The following KHDRBS2 variants were observed in gnomAD, a reference collection of about 807,000 sequenced individuals.
KHDRBS2 encodes KH domain-containing, RNA-binding, signal transduction-associated protein 2.
Under a neutral mutation model 44.3 loss-of-function variants are expected in KHDRBS2, and 26 were observed. That is an observed-to-expected ratio of 0.59 (90% confidence interval 0.43 to 0.81). KHDRBS2 has a LOEUF of 0.81. Among genes scored for constraint, KHDRBS2 ranks in the 40% least tolerant of loss-of-function variants. KHDRBS2 has a pLI of 0.00. For synonymous variants in KHDRBS2, 194 were observed against 151.1 expected (o/e 1.28, Z -2.08); for missense variants, 476 against 433.1 (o/e 1.10, Z -0.88).
At chr6:61,923,190 C>T (rs1265403696) in intron 4 of KHDRBS2, among the ~76,000 whole-genome samples, 8 of 151,768 alleles carry the variant, frequency 5.3e-5, no homozygotes, top group East Asian at 1.9e-4. Context: ...AATGTAAAGA[C>T]GTAGCAACAG....
chr6:62,256,153 T>C (rs1465843329), intron 1 of KHDRBS2, among the ~76,000 whole-genome samples: 1 of 151,098 alleles, frequency 6.6e-6, no homozygotes, highest in Non-Finnish European at 1.5e-5. Context: ...AAAAAAACCC[T>C]CAAAACAATA....
At chr6:62,050,269 A>T (rs1293709201) in intron 2 of KHDRBS2, among the ~76,000 whole-genome samples, 1 of 152,016 alleles carries the variant, frequency 6.6e-6, no homozygotes, top group Non-Finnish European at 1.5e-5. Context: ...CAGGGAGGGG[A>T]ACATCACACA....
the KHDRBS2 span, among the ~76,000 whole-genome samples, chr6:61,609,569 TC>T: frequency 1.3e-5 from 2 of 152,214 alleles, no homozygotes; most frequent in Non-Finnish European, 2.9e-5. Context: ...ACTACGGGCT[TC>T]ATAGCTATCA....
At chr6:61,772,197 A>T (rs1347770244) in intron 6 of KHDRBS2, among the ~76,000 whole-genome samples, 4 of 152,200 alleles carry the variant, frequency 2.6e-5, no homozygotes, top group Admixed American at 6.6e-5. Context: ...TATAGCACGA[A>T]ATGTCCACAA....
At chr6:61,693,275 C>T (rs1473215503) in intron 8 of KHDRBS2, among the ~76,000 whole-genome samples, 1 of 152,078 alleles carries the variant, frequency 6.6e-6, no homozygotes, top group Non-Finnish European at 1.5e-5. Flanking sequence ...AGCAACTTAT[C>T]ACCAACTACC....
chr6:62,015,050 T>C (rs543551602), intron 3 of KHDRBS2, among the ~76,000 whole-genome samples: 2 of 152,194 alleles, frequency 1.3e-5, no homozygotes, highest in Non-Finnish European at 2.9e-5. Context: ...TAATCAGTAA[T>C]TGAGATTAGG....
chr6:62,122,895 T>C lies in KHDRBS2; in HGVS notation c.219+54290A>G, dbSNP rs570281033. ...ATTTATTTTATTTTATTTATTTACTTTTTGACGTTTTTTAATAAATTATAC... is the reference window on the plus strand; with the variant it reads ...ATTTATTTTATTTTATTTATTTACTCTTTGACGTTTTTTAATAAATTATAC... On this transcript the variant is annotated intron_variant, in intron 2 of 8. Coordinates refer to ENST00000281156, the MANE Select transcript of KHDRBS2 (RefSeq NM_152688.4). 3.2e-5 allele frequency among the ~76,000 whole-genome samples: 4 copies of C among 126,572 alleles called. No homozygotes were observed. In the South Asian group the frequency reaches 1.0e-3, roughly 32 times the overall value. The allele number at this position is 126,572 out of a possible 152,430, so 83.0% of individuals were successfully genotyped here.
chr6:61,820,347 T>A (rs1405093001), intron 6 of KHDRBS2, among the ~76,000 whole-genome samples: 1 of 151,942 alleles, frequency 6.6e-6, no homozygotes, highest in Non-Finnish European at 1.5e-5. Context: ...CACTTCTTGA[T>A]GGATTTGATT....
chr6:61,709,749 A>T (rs769108264), intron 7 of KHDRBS2, among the ~76,000 whole-genome samples: 8 of 151,686 alleles, frequency 5.3e-5, no homozygotes, highest in Non-Finnish European at 8.9e-5. Context: ...GTGGTACATG[A>T]CGTTATTAAA....
At chr6:61,754,178 A>T (rs943452370) in intron 6 of KHDRBS2, among the ~76,000 whole-genome samples, 1 of 152,148 alleles carries the variant, frequency 6.6e-6, no homozygotes, top group African/African-American at 2.4e-5. Context: ...ACAGATTTGG[A>T]TGACTAAAAA....
chr6:61,826,674 G>A (rs959811349), intron 6 of KHDRBS2, among the ~76,000 whole-genome samples: 7 of 151,882 alleles, frequency 4.6e-5, no homozygotes, highest in African/African-American at 1.2e-4. Flanking sequence ...GACCTTTTTG[G>A]CCTCTAAAGA....
the KHDRBS2 span, among the ~76,000 whole-genome samples, chr6:61,553,259 A>G: frequency 9.2e-5 from 14 of 152,102 alleles, no homozygotes; most frequent in African/African-American, 3.1e-4. Flanking sequence ...GAATCTATCC[A>G]TTTATCCTAC....
At chr6:61,718,764 T>C (rs1211091066) in intron 7 of KHDRBS2, among the ~76,000 whole-genome samples, 3 of 152,096 alleles carry the variant, frequency 2.0e-5, no homozygotes, top group Non-Finnish European at 4.4e-5. Flanking sequence ...ATTTCTATTT[T>C]TGGTAGTAGA....
intron 2 of KHDRBS2, among the ~76,000 whole-genome samples, chr6:62,098,343 T>G (rs1233385031): frequency 6.6e-6 from 1 of 151,470 alleles, no homozygotes; most frequent in Admixed American, 6.6e-5. Context: ...GGTGATATAC[T>G]CTCTGAGCTT....
intron 2 of KHDRBS2, among the ~76,000 whole-genome samples, chr6:62,165,029 T>C (rs1464047298): frequency 6.6e-6 from 1 of 151,910 alleles, no homozygotes; most frequent in Non-Finnish European, 1.5e-5. Context: ...TTTTCTGTCA[T>C]GTGTTTCAAA....
intron 4 of KHDRBS2, among the ~76,000 whole-genome samples, chr6:61,942,690 T>A (rs1426338162): frequency 1.3e-5 from 2 of 152,086 alleles, no homozygotes; most frequent in Non-Finnish European, 2.9e-5. Context: ...TTTCCAAGTC[T>A]AGCGAGAAAT....
At chr6:61,954,312 T>A in intron 4 of KHDRBS2, among the ~76,000 whole-genome samples, 1 of 151,232 alleles carries the variant, frequency 6.6e-6, no homozygotes, top group South Asian at 2.1e-4. Context: ...TATATACATA[T>A]ACATACATAT....
chr6:61,591,979 A>C, the KHDRBS2 span, among the ~76,000 whole-genome samples: 1 of 152,110 alleles, frequency 6.6e-6, no homozygotes, highest in Non-Finnish European at 1.5e-5. Context: ...ATGTGAGCCA[A>C]GAAATTCAAG....
intron 3 of KHDRBS2, among the ~76,000 whole-genome samples, chr6:62,036,001 T>A (rs1785211996): frequency 6.6e-6 from 1 of 151,934 alleles, no homozygotes; most frequent in Admixed American, 6.6e-5. Flanking sequence ...GGAAACTCTC[T>A]CCTCCTAAAA....
Sources: allele counts gnomAD v4.1 joint callset (sites outside exome capture counted in the v4.1 genomes callset), GRCh38; gene constraint gnomAD v4.1.1; transcripts MANE v1.5; gene names NCBI Gene and HGNC (gene_info 2026-07-23, HGNC 2026-07-21).